Variants in BNIP3 observed in about 807,000 individuals in gnomAD.
BNIP3 encodes BCL2 interacting protein 3, also known as BCL2/adenovirus E1B 19 kDa protein-interacting protein 3.
Under a neutral mutation model 23.9 loss-of-function variants are expected in BNIP3, and 16 were observed. The observed-to-expected ratio is 0.67, with a 90% confidence interval of 0.45 to 1.01. The LOEUF (loss-of-function observed/expected upper bound fraction) is 1.01. Ranked by LOEUF, BNIP3 falls within the 50% of genes least tolerant of loss-of-function variation. The probability of loss-of-function intolerance (pLI) is 0.00; values close to 1 mark genes in which losing one functional copy is unlikely to be tolerated. For synonymous variants in BNIP3, 81 were observed against 89.3 expected (o/e 0.91, Z 0.53); for missense variants, 198 against 248.7 (o/e 0.80, Z 1.37).
In BNIP3 at chr10:131,973,954, C is replaced by CA. The variant is rs1259992384; in HGVS notation, c.47-12dup. ...GTTCTACCCAGGAGCCTGATGGGGA[C>CA]AAAAAAAGGGGCGCAGATGGAATTC... is the stretch of plus-strand genomic sequence containing the variant. On this transcript the variant is annotated splice_polypyrimidine_tract_variant and intron_variant, in intron 1 of 5. Coordinates refer to ENST00000368636, the MANE Select transcript of BNIP3 (RefSeq NM_004052.4). The CA allele has an allele frequency of 1.4e-5, 22 of 1,607,460 alleles. No homozygotes were observed. In the African/African-American group the frequency reaches 1.5e-4, roughly 11 times the overall value.
intron 5 of BNIP3, 107 bp from the exon 6 acceptor site, chr10:131,968,676 T>G (rs1276853772): frequency 1.7e-5 from 16 of 946,556 alleles, no homozygotes; most frequent in Non-Finnish European, 2.5e-5. Flanking sequence ...GCAAGGGGAC[T>G]GGTGATTTTA....
chr10:131,980,278 C>T (rs900714607), intron 1 of BNIP3: 2 of 152,148 alleles, frequency 1.3e-5, no homozygotes, highest in African/African-American at 4.8e-5. Context: ...AGGAGTAACG[C>T]GGCTTCACAA....
In BNIP3 at chr10:131,973,062, T is replaced by C; in HGVS notation, c.254A>G (p.His85Arg). The C allele has an allele frequency of 1.9e-6, 3 of 1,613,824 alleles. No homozygotes were observed. Among genetic ancestry groups the C allele is most frequent in the Non-Finnish European group, 2.5e-6 (3 of 1,179,698 alleles). ...TGAGCTGTTTTTCTCTCCAATGCTATGGGTATCTGTTTCAGAAGCTCTGTT... is the reference window on the plus strand; with the variant it reads ...TGAGCTGTTTTTCTCTCCAATGCTACGGGTATCTGTTTCAGAAGCTCTGTT... ...DTNRASETDTHSIGEKNSSQS... is the reference protein window; with the variant it reads ...DTNRASETDTRSIGEKNSSQS... The change falls in exon 3 of 6, where the codon CAT (histidine) becomes CGT (arginine). Residue 85 changes from histidine (H) to arginine (R), a missense_variant. His to Arg is a conservative substitution (Grantham distance 29). Coordinates refer to ENST00000368636, the MANE Select transcript of BNIP3 (RefSeq NM_004052.4).
At chr10:131,979,129 T>C (rs914560435) in intron 1 of BNIP3, among the ~76,000 whole-genome samples, 17 of 152,334 alleles carry the variant, frequency 1.1e-4, no homozygotes, top group Admixed American at 6.5e-4. Flanking sequence ...GGTATCCCAC[T>C]GCTGCCTCAT....
At chr10:131,977,546 G>A (rs1181231883) in intron 1 of BNIP3, among the ~76,000 whole-genome samples, 1 of 152,190 alleles carries the variant, frequency 6.6e-6, no homozygotes. Flanking sequence ...AACATCTGGT[G>A]TCGGCTGAGG....
chr10:131,973,673 C>G lies in BNIP3; in HGVS notation c.197+120G>C, dbSNP rs946346881. 5 of 1,407,758 alleles carry G rather than the reference C, an allele frequency of 3.6e-6. No homozygotes were observed. The South Asian group carries it at 6.6e-5, about 19-fold the overall frequency. The allele number at this position is 1,407,758 out of a possible 1,614,324, so 87.2% of individuals were successfully genotyped here. ...GACTGCAGCAGGAGCCAGTCCAGAACGCGGCCCGAGGCGAACAGCAGCCCA... is the reference window on the plus strand; with the variant it reads ...GACTGCAGCAGGAGCCAGTCCAGAAGGCGGCCCGAGGCGAACAGCAGCCCA... On this transcript the variant is annotated intron_variant, in intron 2 of 5. Transcript: ENST00000368636.
In BNIP3 at chr10:131,981,872, G is replaced by A. The variant is rs572410005; in HGVS notation, c.-66C>T. On this transcript the variant is annotated 5_prime_UTR_variant, in exon 1 of 6. Coordinates refer to ENST00000368636, the MANE Select transcript of BNIP3 (RefSeq NM_004052.4). The stretch of plus-strand genomic sequence containing the variant: ...GCTGCGGGATGTGCTTCAGCTGCGG[G>A]CGGTGGGAAAGCGGAGGTCGGAGCG... The A allele has an allele frequency of 4.2e-3, 5,841 of 1,383,116 alleles. 82 individuals are homozygous for A. Among genetic ancestry groups the A allele is most frequent in the South Asian group, 0.027 (1,676 of 62,104 alleles). The allele number at this position is 1,383,116 out of a possible 1,614,324, so 85.7% of individuals were successfully genotyped here.
At chr10:131,981,623 AG>A in intron 1 of BNIP3, 137 bp downstream of exon 1, 1 of 1,098,568 alleles carries the variant, frequency 9.1e-7, no homozygotes, top group African/African-American at 1.6e-5. Flanking sequence ...TGGGTACGGA[AG>A]GGGAGGATGG....
chr10:131,970,391 A>G lies in BNIP3; in HGVS notation c.539+247T>C. On this transcript the variant is annotated intron_variant, in intron 5 of 5. Transcript: ENST00000368636. This position sits in a 1 kb window ranked among gnomAD's most constrained non-coding sequence, Gnocchi z 4.1. ...GAAGCCCTGCTTTGACTCCGTTTAT[A>G]TTCAGTGAGCAACAGGCAGACTCGT... 1 of 570,928 alleles carries G rather than the reference A, an allele frequency of 1.8e-6. No individual in the cohort carries two copies. Among genetic ancestry groups the G allele is most frequent in the Non-Finnish European group, 3.1e-6 (1 of 323,932 alleles). The allele number at this position is 570,928 out of a possible 1,614,324, so 35.4% of individuals were successfully genotyped here.
intron 2 of BNIP3, 85 bp from the exon 3 acceptor site, chr10:131,973,203 C>A: frequency 7.2e-7 from 1 of 1,395,040 alleles, no homozygotes. Context: ...GGCAGTGAAC[C>A]GCCTCCGTGA....
chr10:131,973,791 A>G lies in BNIP3; in HGVS notation c.197+2T>C. On this transcript the variant is annotated splice_donor_variant, in intron 2 of 5. Transcript: ENST00000368636. LOFTEE classifies it high-confidence loss of function. ...CACATACACTTGTTGATGCGCGCCT[A>G]CCTGTCACAGTGAGAGCTCTTGGAG... is the stretch of plus-strand genomic sequence containing the variant. 3 of 1,612,218 alleles carry G rather than the reference A, an allele frequency of 1.9e-6. No individual in the cohort carries two copies. The highest frequency in any genetic ancestry group is 2.5e-6 in the Non-Finnish European group (3 of 1,179,964).
At chr10:131,973,304 C>T (rs1328567019) in intron 2 of BNIP3, 186 bp from the exon 3 acceptor site, 9 of 588,912 alleles carry the variant, frequency 1.5e-5, no homozygotes, top group Admixed American at 6.1e-5. Flanking sequence ...TGGCTGAGCA[C>T]GACAGGAGTG....
intron 2 of BNIP3, chr10:131,973,380 C>T (rs987483752): frequency 2.2e-5 from 11 of 505,918 alleles, no homozygotes; most frequent in African/African-American, 2.1e-4. Flanking sequence ...TCACCTGCCG[C>T]CTTCACGGTC....
At chr10:131,979,665 G>A (rs1400803697) in intron 1 of BNIP3, among the ~76,000 whole-genome samples, 1 of 152,172 alleles carries the variant, frequency 6.6e-6, no homozygotes, top group Admixed American at 6.5e-5. Context: ...GAGTAAGACT[G>A]GGCTTGTAAA....
In BNIP3 at chr10:131,970,407, GCAGACTCGTCAGGC is replaced by G. The variant is rs141366410; in HGVS notation, c.539+217_539+230del. ...TCCGTTTATATTCAGTGAGCAACAG[GCAGACTCGTCAGGC>G]CAGACAGCAGCACCACAGGGCGCCT... On this transcript the variant is annotated intron_variant, in intron 5 of 5. Coordinates refer to ENST00000368636, the MANE Select transcript of BNIP3 (RefSeq NM_004052.4). This position sits in a 1 kb window ranked among gnomAD's most constrained non-coding sequence, Gnocchi z 4.1. The G allele has an allele frequency of 8.9e-4, 533 of 597,950 alleles. 6 individuals are homozygous for G. The African/African-American group carries it at 9.1e-3, about 10-fold the overall frequency. 37.0% of individuals were successfully genotyped at this position (597,950 alleles called of 1,614,324 possible).
At chr10:131,979,941 T>C (rs907794169) in intron 1 of BNIP3, among the ~76,000 whole-genome samples, 6 of 152,130 alleles carry the variant, frequency 3.9e-5, no homozygotes, top group African/African-American at 1.4e-4. Context: ...GAGCCACCGC[T>C]CCGTCCCGGA....
intron 5 of BNIP3, chr10:131,969,961 G>C (rs986943070): frequency 6.6e-6 from 1 of 152,556 alleles, no homozygotes; most frequent in African/African-American, 2.4e-5. Context: ...GCCGAGGTGA[G>C]CCATCCCTTG....
chr10:131,977,077 A>G (rs1455910528), intron 1 of BNIP3, among the ~76,000 whole-genome samples: 1 of 152,182 alleles, frequency 6.6e-6, no homozygotes, highest in East Asian at 1.9e-4. Flanking sequence ...GTCAGAGACC[A>G]GCCTGACCAA....
chr10:131,977,937 C>T (rs757841562), intron 1 of BNIP3, among the ~76,000 whole-genome samples: 61 of 152,168 alleles, frequency 4.0e-4, no homozygotes, highest in Non-Finnish European at 8.5e-4. Context: ...ATGGAGCGTG[C>T]TGTGTATCTA....
Sources: gnomAD v4.1 joint callset for allele counts (sites outside exome capture counted in the v4.1 genomes callset) on GRCh38, gnomAD v4.1.1 for gene constraint, Gnocchi (gnomAD v3.1) non-coding constraint, MANE v1.5 for transcripts, NCBI Gene and HGNC (gene_info 2026-07-23, HGNC 2026-07-21) for gene names.